The following COLEC12 variants were observed in gnomAD, a reference collection of about 807,000 sequenced individuals.
COLEC12 encodes collectin-12.
COLEC12 carries 33 observed loss-of-function variants against 71.1 expected under a neutral mutation model. That is an observed-to-expected ratio of 0.46 (90% CI 0.35 to 0.62). The LOEUF is 0.62. COLEC12 is among the 20% of genes least tolerant of loss of function. The pLI, the probability that COLEC12 is intolerant of heterozygous loss-of-function variation, is 0.00. For missense variants in COLEC12, 765 were observed against 916.1 expected (o/e 0.84, Z 2.13); for synonymous variants, 350 against 353.0 (o/e 0.99, Z 0.10).
chr18:454,559 G>A (rs753804010), intron 2 of COLEC12, among the ~76,000 whole-genome samples: 1 of 152,206 alleles, frequency 6.6e-6, no homozygotes, highest in Non-Finnish European at 1.5e-5. Context: ...GCAGGCGCCT[G>A]TAATTCCCAC....
intron 2 of COLEC12, among the ~76,000 whole-genome samples, chr18:472,357 T>C (rs1233072363): frequency 1.3e-5 from 2 of 152,072 alleles, no homozygotes; most frequent in Non-Finnish European, 2.9e-5. Flanking sequence ...CACCAACCCT[T>C]TCCACTTTTT....
In COLEC12 at chr18:412,877, C is replaced by T. The variant is rs187528302; in HGVS notation, c.59-55355G>A. On this transcript the variant is annotated intron_variant, in intron 2 of 9. Coordinates refer to ENST00000400256, the MANE Select transcript of COLEC12 (RefSeq NM_130386.3). Reference sequence around the variant, plus strand: ...AATCCTAAAAATTGTTCAGATAACCCACTGGCAGGCAAAAAAATGAAAACA... The same window carrying T: ...AATCCTAAAAATTGTTCAGATAACCTACTGGCAGGCAAAAAAATGAAAACA... Among the ~76,000 whole-genome samples the T allele has an allele frequency of 1.6e-3, 242 of 152,174 alleles. 1 individual carries two copies. The highest frequency in any genetic ancestry group is 2.6e-3 in the Admixed American group (39 of 15,288).
At chr18:400,550 T>C (rs1915662713) in intron 2 of COLEC12, among the ~76,000 whole-genome samples, 1 of 152,192 alleles carries the variant, frequency 6.6e-6, no homozygotes, top group African/African-American at 2.4e-5. Flanking sequence ...TTTCTTCCAC[T>C]GAGTAGCATT....
chr18:467,390 C>A (rs961422061), intron 2 of COLEC12, among the ~76,000 whole-genome samples: 3 of 152,178 alleles, frequency 2.0e-5, no homozygotes, highest in African/African-American at 7.2e-5. Context: ...TGAAAACTAA[C>A]CAGAAAAGAT....
intron 1 of COLEC12, among the ~76,000 whole-genome samples, chr18:492,843 A>C (rs942648382): frequency 2.0e-5 from 3 of 152,204 alleles, no homozygotes; most frequent in Admixed American, 2.0e-4. Context: ...TTTTGAGTTT[A>C]AGAGACACAA....
chr18:406,062 G>A (rs1915779100), intron 2 of COLEC12, among the ~76,000 whole-genome samples: 1 of 152,066 alleles, frequency 6.6e-6, no homozygotes, highest in Non-Finnish European at 1.5e-5. Context: ...CAATGAGAGT[G>A]ACCCCTGGTC....
intron 2 of COLEC12, among the ~76,000 whole-genome samples, chr18:367,219 G>A (rs577116858): frequency 2.6e-5 from 4 of 152,222 alleles, no homozygotes; most frequent in Non-Finnish European, 5.9e-5. Flanking sequence ...AGGGGGAACA[G>A]CGCTGAGCAG....
At chr18:404,704 A>G (rs1022390647) in intron 2 of COLEC12, among the ~76,000 whole-genome samples, 10 of 152,176 alleles carry the variant, frequency 6.6e-5, no homozygotes, top group South Asian at 2.1e-4. Flanking sequence ...TGTTATCTTC[A>G]TAAGCTGAGG....
chr18:323,209 G>C (rs1194587247), intron 8 of COLEC12, among the ~76,000 whole-genome samples: 1 of 152,176 alleles, frequency 6.6e-6, no homozygotes, highest in Admixed American at 6.5e-5. Context: ...CTGGGTGACA[G>C]AGCGAGGCTC....
chr18:386,583 C>T (rs1915350019), intron 2 of COLEC12, among the ~76,000 whole-genome samples: 1 of 152,220 alleles, frequency 6.6e-6, no homozygotes, highest in Non-Finnish European at 1.5e-5. Flanking sequence ...CAGATACAAA[C>T]CCAAGGCTCA....
At position 399,400 on chromosome 18, in the gene COLEC12, T is replaced by A. The variant is rs369821129; in HGVS notation, c.59-41878A>T. ...TGTGTAGCGCGCAGCTCTGTGCCCCTGCCCAGCCACTCCCTGATAGCTGGA... is the reference window on the plus strand; with the variant it reads ...TGTGTAGCGCGCAGCTCTGTGCCCCAGCCCAGCCACTCCCTGATAGCTGGA... On this transcript the variant is annotated intron_variant, in intron 2 of 9. Coordinates refer to ENST00000400256, the MANE Select transcript of COLEC12 (RefSeq NM_130386.3). This position sits in a 1 kb window ranked among gnomAD's most constrained non-coding sequence, Gnocchi z 4.0. Among the ~76,000 whole-genome samples, 9 of 152,342 alleles carry A rather than the reference T, an allele frequency of 5.9e-5. No individual in the cohort carries two copies. Among genetic ancestry groups the A allele is most frequent in the African/African-American group, 2.2e-4 (9 of 41,584 alleles).
intron 2 of COLEC12, among the ~76,000 whole-genome samples, chr18:477,670 T>C (rs562787156): frequency 1.3e-5 from 2 of 152,174 alleles, no homozygotes; most frequent in Non-Finnish European, 2.9e-5. Context: ...GTTTTTATAG[T>C]GTTGTAACTT....
At chr18:479,229 G>A (rs1307187608) in intron 2 of COLEC12, among the ~76,000 whole-genome samples, 1 of 152,264 alleles carries the variant, frequency 6.6e-6, no homozygotes, top group East Asian at 1.9e-4. Flanking sequence ...ACAGGACCAT[G>A]GTCTCATCGC....
In COLEC12 at chr18:393,175, T is replaced by C. The variant is rs147319863; in HGVS notation, c.59-35653A>G. On this transcript the variant is annotated intron_variant, in intron 2 of 9. Coordinates refer to ENST00000400256, the MANE Select transcript of COLEC12 (RefSeq NM_130386.3). ...TACACTTTGGCAAGATGCCATTGGC[T>C]CGCACTGAGGGACATTACAAGAAAC... Among the ~76,000 whole-genome samples, 332 of 152,340 alleles carry C rather than the reference T, an allele frequency of 2.2e-3. 1 individual carries two copies. The highest frequency in any genetic ancestry group is 7.4e-3 in the African/African-American group (307 of 41,584).
Position 335,150 on chromosome 18 carries a change from C to T in COLEC12, c.1408G>A (p.Gly470Arg). The T allele has an allele frequency of 6.2e-7, 1 of 1,612,980 alleles. No homozygotes were observed. The highest frequency in any genetic ancestry group is 8.5e-7 in the Non-Finnish European group (1 of 1,179,652). Residue 470 changes from glycine to arginine, a missense_variant, in exon 6 of 10, where the codon GGA becomes AGA. Coordinates refer to ENST00000400256, the MANE Select transcript of COLEC12 (RefSeq NM_130386.3). ...PGPTGNKGQKGEKGEPGPPGP... is the reference protein window; with the variant it reads ...PGPTGNKGQKREKGEPGPPGP... ...GGTGGTCCAGGCTCCCCCTTCTCTC[C>T]TTTCTGTCCCTTGTTGCCAGTTGGG...
chr18:440,484 T>C (rs1167856241), intron 2 of COLEC12, among the ~76,000 whole-genome samples: 1 of 152,196 alleles, frequency 6.6e-6, no homozygotes, highest in Non-Finnish European at 1.5e-5. Context: ...CAGCACATTG[T>C]ATACTTTAAA....
rs372474518 is a variant in COLEC12, at chr18:480,761, T to C, written c.8-4A>G. Reference sequence around the variant, plus strand: ...TCCTCCTCCTCTGCGAAGTCGTCTGTGAGAGAAGAAGAGACACGATGTTAA... The same window carrying C: ...TCCTCCTCCTCTGCGAAGTCGTCTGCGAGAGAAGAAGAGACACGATGTTAA... On this transcript the variant is annotated splice_polypyrimidine_tract_variant and splice_region_variant and intron_variant, in intron 1 of 9. Coordinates refer to ENST00000400256, the MANE Select transcript of COLEC12 (RefSeq NM_130386.3). This position sits in a 1 kb window ranked among gnomAD's most constrained non-coding sequence, Gnocchi z 4.1. The C allele has an allele frequency of 1.1e-5, 17 of 1,613,904 alleles. No homozygotes were observed. The African/African-American group carries it at 2.1e-4, about 20-fold the overall frequency.
intron 2 of COLEC12, among the ~76,000 whole-genome samples, chr18:387,447 T>A (rs951690594): frequency 6.6e-6 from 1 of 152,124 alleles, no homozygotes; most frequent in African/African-American, 2.4e-5. Context: ...TAAACGAAAA[T>A]CATACTTAAT....
At chr18:364,699 A>G (rs1410093915) in intron 2 of COLEC12, among the ~76,000 whole-genome samples, 1 of 152,202 alleles carries the variant, frequency 6.6e-6, no homozygotes, top group Non-Finnish European at 1.5e-5. Flanking sequence ...TAATTGAGGA[A>G]GGCCATGAGA....
Sources: allele counts gnomAD v4.1 joint callset (sites outside exome capture counted in the v4.1 genomes callset), GRCh38; gene constraint gnomAD v4.1.1; non-coding constraint Gnocchi (gnomAD v3.1); transcripts MANE v1.5; gene names NCBI Gene and HGNC (gene_info 2026-07-23, HGNC 2026-07-21).